NT5DC1: variants seen among roughly 807,000 people sequenced by gnomAD.
The protein encoded by NT5DC1 is 5'-nucleotidase domain-containing protein 1.
In NT5DC1, 42 loss-of-function variants were observed where a neutral mutation model predicts 59.4. The observed-to-expected ratio is 0.71, with a 90% CI of 0.55 to 0.92. The LOEUF is 0.92. Ranked by LOEUF, NT5DC1 falls within the 40% of genes least tolerant of loss-of-function variation. NT5DC1 has a pLI of 0.00. For missense variants in NT5DC1, 501 were observed against 537.1 expected (o/e 0.93, Z 0.66); for synonymous variants, 172 against 188.1 (o/e 0.91, Z 0.70).
At chr6:116,175,242 A>G (rs1252690691) in intron 6 of NT5DC1, among the ~76,000 whole-genome samples, 3 of 151,866 alleles carry the variant, frequency 2.0e-5, no homozygotes, top group Non-Finnish European at 2.9e-5. Context: ...CCCCATCTCT[A>G]CCTCCCACCC....
intron 6 of NT5DC1, among the ~76,000 whole-genome samples, chr6:116,197,395 A>G (rs956962138): frequency 7.9e-5 from 12 of 151,976 alleles, no homozygotes; most frequent in Non-Finnish European, 2.9e-5. Flanking sequence ...ATCTTGTCTG[A>G]TTTAAAATGC....
intron 6 of NT5DC1, among the ~76,000 whole-genome samples, chr6:116,211,306 G>T (rs1781573223): frequency 6.6e-6 from 1 of 151,988 alleles, no homozygotes; most frequent in South Asian, 2.1e-4. Context: ...GCTGAGTTCA[G>T]TCAACCCTCA....
chr6:116,178,390 A>G (rs1444779362), intron 6 of NT5DC1, among the ~76,000 whole-genome samples: 3 of 152,190 alleles, frequency 2.0e-5, no homozygotes, highest in Non-Finnish European at 4.4e-5. Context: ...CTTGATTCAT[A>G]AAGGCGATAG....
intron 11 of NT5DC1, among the ~76,000 whole-genome samples, chr6:116,240,808 C>A (rs935779499): frequency 4.6e-5 from 7 of 152,132 alleles, no homozygotes; most frequent in Non-Finnish European, 1.0e-4. Flanking sequence ...TGATGTGAAT[C>A]TTGATGGAAT....
chr6:116,167,575 C>G (rs1331377402), intron 6 of NT5DC1, among the ~76,000 whole-genome samples: 1 of 152,152 alleles, frequency 6.6e-6, no homozygotes, highest in African/African-American at 2.4e-5. Context: ...GTACTGATTT[C>G]ATTTGATAAA....
At chr6:116,237,298 T>G (rs1782134301) in intron 9 of NT5DC1, among the ~76,000 whole-genome samples, 1 of 152,206 alleles carries the variant, frequency 6.6e-6, no homozygotes, top group African/African-American at 2.4e-5. Flanking sequence ...CTGTGGAATG[T>G]TATCCTGATA....
intron 6 of NT5DC1, among the ~76,000 whole-genome samples, chr6:116,208,942 C>A (rs1459172307): frequency 6.6e-6 from 1 of 151,942 alleles, no homozygotes; most frequent in Non-Finnish European, 1.5e-5. Context: ...TGGGGATCCA[C>A]TGTGATTAAA....
At position 116,246,198 on chromosome 6, in the gene NT5DC1, C is replaced by T. The variant is rs1164982764; in HGVS notation, c.*2174C>T. On this transcript the variant is annotated 3_prime_UTR_variant, in exon 12 of 12. Coordinates refer to ENST00000319550, the MANE Select transcript of NT5DC1 (RefSeq NM_152729.3). Reference sequence around the variant, plus strand: ...CATGTAATATTCGCATACAGGCAAACATTCATAATCTAAAGGACACCTAAA... The same window carrying T: ...CATGTAATATTCGCATACAGGCAAATATTCATAATCTAAAGGACACCTAAA... 1.3e-5 allele frequency: 2 copies of T among 152,048 alleles called. No homozygotes were observed. Among genetic ancestry groups the T allele is most frequent in the African/African-American group, 4.8e-5 (2 of 41,388 alleles). 9.4% of individuals were successfully genotyped at this position (152,048 alleles called of 1,614,324 possible). A position where few individuals can be genotyped will look rare whatever the true frequency, so the allele number is the denominator to read the frequency against.
At chr6:116,202,344 G>A (rs1374602825) in intron 6 of NT5DC1, among the ~76,000 whole-genome samples, 1 of 151,790 alleles carries the variant, frequency 6.6e-6, no homozygotes, top group African/African-American at 2.4e-5. Context: ...CTCAATTTTG[G>A]CCCACTTAAA....
intron 6 of NT5DC1, among the ~76,000 whole-genome samples, chr6:116,154,307 G>A (rs1780126041): frequency 6.6e-6 from 1 of 152,114 alleles, no homozygotes; most frequent in South Asian, 2.1e-4. Flanking sequence ...TAGCTTAAAA[G>A]ATGTTGTCAC....
rs1778640467 is a variant in NT5DC1 at position 116,101,152 on chromosome 6, G to C, written c.93+129G>C. On this transcript the variant is annotated intron_variant, in intron 1 of 11. Coordinates refer to ENST00000319550, the MANE Select transcript of NT5DC1 (RefSeq NM_152729.3). ...CGGCGGCCGAGTCTTGCCGCAGAGCGCGGCCTCCAGCGGCGAGAAGGGGCG... is the reference window on the plus strand; with the variant it reads ...CGGCGGCCGAGTCTTGCCGCAGAGCCCGGCCTCCAGCGGCGAGAAGGGGCG... 4 of 632,306 alleles carry C rather than the reference G, an allele frequency of 6.3e-6. No homozygotes were observed. In the South Asian group the frequency reaches 8.3e-5, roughly 13 times the overall value. 39.2% of individuals were successfully genotyped at this position (632,306 alleles called of 1,614,324 possible).
chr6:116,119,972 A>G, intron 6 of NT5DC1: 1 of 1,097,168 alleles, frequency 9.1e-7, no homozygotes, highest in Non-Finnish European at 1.4e-6. Flanking sequence ...GAAAATAAAA[A>G]TTACATTCTT....
At chr6:116,190,278 A>G (rs1433303154) in intron 6 of NT5DC1, among the ~76,000 whole-genome samples, 1 of 151,962 alleles carries the variant, frequency 6.6e-6, no homozygotes, top group African/African-American at 2.4e-5. Context: ...TTTTTCTTTT[A>G]TCAATATATG....
chr6:116,236,499 G>A (rs1307073552), intron 8 of NT5DC1, among the ~76,000 whole-genome samples: 1 of 152,084 alleles, frequency 6.6e-6, no homozygotes, highest in African/African-American at 2.4e-5. Context: ...CTGGTACTAG[G>A]GTAAAGCATT....
At chr6:116,109,719 C>T (rs1270712528) in intron 3 of NT5DC1, among the ~76,000 whole-genome samples, 1 of 152,124 alleles carries the variant, frequency 6.6e-6, no homozygotes, top group Admixed American at 6.6e-5. Context: ...AAATGTTAAC[C>T]CCTTTATAAA....
Position 116,247,646 on chromosome 6 carries a change from CTT to C in NT5DC1, c.*3625_*3626del, listed in dbSNP as rs961564189. ...TGTACCATGTACCTGTTCACAGACT[CTT>C]TTCAAAAAACAAGTTTATTTTACTT... On this transcript the variant is annotated 3_prime_UTR_variant, in exon 12 of 12. Coordinates refer to ENST00000319550, the MANE Select transcript of NT5DC1 (RefSeq NM_152729.3). 6 of 152,096 alleles carry C rather than the reference CTT, an allele frequency of 3.9e-5. No individual in the cohort carries two copies. Among genetic ancestry groups the C allele is most frequent in the South Asian group, 2.1e-4 (1 of 4,830 alleles). 9.4% of individuals were successfully genotyped at this position (152,096 alleles called of 1,614,324 possible). A position where few individuals can be genotyped will look rare whatever the true frequency, so the allele number is the denominator to read the frequency against.
chr6:116,230,593 G>T (rs182579830), intron 8 of NT5DC1, among the ~76,000 whole-genome samples: 3 of 152,290 alleles, frequency 2.0e-5, no homozygotes, highest in Admixed American at 2.0e-4. Flanking sequence ...GATGCTACTG[G>T]TTGGAAGATC....
rs190774711 is a variant in NT5DC1, at chr6:116,111,680, G to A, written c.364+724G>A. On this transcript the variant is annotated intron_variant, in intron 4 of 11. Transcript: ENST00000319550. The stretch of plus-strand genomic sequence containing the variant: ...ATATAGTAACCTGAAAATAGTTGCA[G>A]TTACTCCTTGTTCCTATTGTGTTTG... Among the ~76,000 whole-genome samples, 380 of 152,246 alleles carry A rather than the reference G, an allele frequency of 2.5e-3. 10 individuals are homozygous for A. The South Asian group carries it at 0.041, about 16-fold the overall frequency.
chr6:116,201,790 T>C (rs1428593996), intron 6 of NT5DC1, among the ~76,000 whole-genome samples: 1 of 152,022 alleles, frequency 6.6e-6, no homozygotes, highest in South Asian at 2.1e-4. Flanking sequence ...TTTCCCCTTC[T>C]AGCCTGCACT....
Sources: allele counts gnomAD v4.1 joint callset (sites outside exome capture counted in the v4.1 genomes callset), GRCh38; gene constraint gnomAD v4.1.1; transcripts MANE v1.5; gene names NCBI Gene and HGNC (gene_info 2026-07-23, HGNC 2026-07-21).